Variants in CRB1 observed in about 807,000 individuals in gnomAD.
CRB1 encodes the protein protein crumbs homolog 1.
A neutral mutation model predicts 120.0 loss-of-function variants in CRB1; 83 were observed. The ratio of observed to expected loss-of-function variants is 0.69; its 90% CI spans 0.58 to 0.83. CRB1 has a LOEUF of 0.83. Ranked by LOEUF, CRB1 falls within the 40% of genes least tolerant of loss-of-function variation. The pLI is 0.00. For missense variants in CRB1, 1,699 were observed against 1,687.6 expected (o/e 1.01, Z -0.12); for synonymous variants, 625 against 612.5 (o/e 1.02, Z -0.30).
At chr1:197,276,620 C>G (rs545141122) in intron 1 of CRB1, among the ~76,000 whole-genome samples, 2 of 151,898 alleles carry the variant, frequency 1.3e-5, no homozygotes, top group African/African-American at 4.8e-5. Flanking sequence ...CAGAGAGCAG[C>G]TGGACCATGA....
intron 3 of CRB1, among the ~76,000 whole-genome samples, chr1:197,346,654 AG>A (rs1659792810): frequency 1.3e-5 from 2 of 152,216 alleles, no homozygotes; most frequent in Admixed American, 1.3e-4. Context: ...TAAATCCTTG[AG>A]GAGACCCCGA....
rs748605777 is a variant in CRB1, at chr1:197,421,539, G to A, written c.1711G>A (p.Glu571Lys). ...CAGCGATGGAGAGTGGCATTTCGTG[G>A]AGGTAATATTTGCAGAGGCTGTGAC... ...NTSDGEWHFV[E>K]VIFAEAVTLT... The change falls in exon 6 of 12, where the codon GAG becomes AAG. Residue 571 changes from glutamate to lysine, a missense_variant. Glu to Lys is a moderately conservative substitution (Grantham distance 56). Transcript: ENST00000367400. 7.4e-6 allele frequency: 12 copies of A among 1,614,246 alleles called. No individual in the cohort carries two copies. The highest frequency in any genetic ancestry group is 8.5e-6 in the Non-Finnish European group (10 of 1,180,044).
intron 2 of CRB1, among the ~76,000 whole-genome samples, chr1:197,343,651 A>G (rs1308007508): frequency 2.0e-5 from 3 of 152,222 alleles, no homozygotes; most frequent in Non-Finnish European, 4.4e-5. Flanking sequence ...TGCACATTAT[A>G]TTTGTACAAT....
intron 1 of CRB1, among the ~76,000 whole-genome samples, chr1:197,281,549 A>G (rs151322286): frequency 1.3e-5 from 2 of 151,798 alleles, no homozygotes; most frequent in East Asian, 3.9e-4. Context: ...GAACCCTGGC[A>G]TGCTCAGACT....
intron 5 of CRB1, among the ~76,000 whole-genome samples, chr1:197,402,031 TTTTTG>T (rs1252047030): frequency 1.3e-5 from 2 of 152,260 alleles, no homozygotes; most frequent in Non-Finnish European, 2.9e-5. Flanking sequence ...GTTTTTCTTC[TTTTTG>T]TTTTGTTTTC....
rs1208469570 is a variant in CRB1 at position 197,421,340 on chromosome 1, G to A, written c.1512G>A (p.Lys504=). ...TCAAAAGTGGCTCAGTGACAACCAA[G>A]GGCTCAGTTTGTAACATAGCCCTCA... ...LWVKSGSVTT[K]GSVCNIALRF... is the part of the protein sequence containing the mutation. Residue 504 remains lysine (K), a synonymous_variant, in exon 6 of 12, where the codon AAG becomes AAA. Coordinates refer to ENST00000367400, the MANE Select transcript of CRB1 (RefSeq NM_201253.3). The A allele has an allele frequency of 5.6e-6, 9 of 1,614,082 alleles. No individual in the cohort carries two copies. The highest frequency in any genetic ancestry group is 1.7e-5 in the Admixed American group (1 of 60,016).
chr1:197,363,759 T>C, intron 5 of CRB1: 2 of 611,160 alleles, frequency 3.3e-6, no homozygotes, highest in Non-Finnish European at 6.1e-6. Context: ...CCCTGCCCTT[T>C]CCATGCCTGG....
chr1:197,343,636 A>G (rs542379049), intron 2 of CRB1, among the ~76,000 whole-genome samples: 1 of 152,376 alleles, frequency 6.6e-6, no homozygotes, highest in East Asian at 1.9e-4. Context: ...ACTTAGATCA[A>G]TAATTGCACA....
rs373304923 is a variant in CRB1, at chr1:197,309,006, A to G, written c.71-19416A>G. Among the ~76,000 whole-genome samples, 4 of 151,474 alleles carry G rather than the reference A, an allele frequency of 2.6e-5. No homozygotes were observed. In the East Asian group the frequency reaches 7.7e-4, roughly 29 times the overall value. ...TGTATATATGCAGGTATATATAAAT[A>G]TACAGTATATATGTATATACACAAA... On this transcript the variant is annotated intron_variant, in intron 1 of 11. Transcript: ENST00000367400.
intron 5 of CRB1, among the ~76,000 whole-genome samples, chr1:197,393,150 G>A (rs1160657206): frequency 6.6e-6 from 1 of 152,094 alleles, no homozygotes; most frequent in Non-Finnish European, 1.5e-5. Flanking sequence ...GGAAAAAATA[G>A]ATTAACATCT....
intron 5 of CRB1, among the ~76,000 whole-genome samples, chr1:197,359,087 G>A (rs1660639872): frequency 6.6e-6 from 1 of 152,060 alleles, no homozygotes; most frequent in African/African-American, 2.4e-5. Context: ...AAGAAATACA[G>A]GGAGGCCCAT....
chr1:197,320,456 A>G (rs1281274685), intron 1 of CRB1, among the ~76,000 whole-genome samples: 1 of 152,178 alleles, frequency 6.6e-6, no homozygotes, highest in Non-Finnish European at 1.5e-5. Context: ...AAATTTTAGT[A>G]TCATAAAAAC....
At chr1:197,469,251 C>G (rs1170368790) in intron 11 of CRB1, among the ~76,000 whole-genome samples, 1 of 152,092 alleles carries the variant, frequency 6.6e-6, no homozygotes, top group Admixed American at 6.6e-5. Context: ...TCAAAATTGG[C>G]AATTTATATT....
intron 9 of CRB1, 84 bp downstream of exon 9, chr1:197,435,696 C>A: frequency 8.2e-7 from 1 of 1,213,612 alleles, no homozygotes; most frequent in Non-Finnish European, 1.2e-6. Context: ...GCTCTCTCCT[C>A]AAGGTATACA....
At chr1:197,228,980 A>G in the CRB1 span, among the ~76,000 whole-genome samples, 2 of 152,156 alleles carry the variant, frequency 1.3e-5, no homozygotes, top group Non-Finnish European at 2.9e-5. Flanking sequence ...TATGAGGGAA[A>G]TTGCCCCCTT....
chr1:197,348,741 G>C (rs1249915616), intron 4 of CRB1, among the ~76,000 whole-genome samples: 2 of 152,162 alleles, frequency 1.3e-5, no homozygotes, highest in African/African-American at 4.8e-5. Context: ...CTCCCAAAGT[G>C]CTGGGATTAC....
At chr1:197,466,881 C>T (rs1047108712) in intron 11 of CRB1, among the ~76,000 whole-genome samples, 1 of 152,156 alleles carries the variant, frequency 6.6e-6, no homozygotes. Context: ...TGACACCAGT[C>T]GATCATAAGA....
chr1:197,369,085 G>A (rs759830129), intron 5 of CRB1, among the ~76,000 whole-genome samples: 10 of 152,190 alleles, frequency 6.6e-5, no homozygotes, highest in Non-Finnish European at 1.2e-4. Flanking sequence ...ACCATCCTGC[G>A]AGCTCTCATA....
At chr1:197,266,379 T>C (rs146024511), upstream of CRB1, among the ~76,000 whole-genome samples, 970 of 152,192 alleles carry the variant, frequency 6.4e-3, 14 homozygotes, top group African/African-American at 0.023. Context: ...AGGCCTCTTT[T>C]ATAAGGGCAG....
Sources: allele counts gnomAD v4.1 joint callset (sites outside exome capture counted in the v4.1 genomes callset), GRCh38; gene constraint gnomAD v4.1.1; transcripts MANE v1.5; gene names NCBI Gene and HGNC (gene_info 2026-07-23, HGNC 2026-07-21).